The following CDK19 variants were observed in gnomAD, a reference collection of about 807,000 sequenced individuals.
CDK19 encodes cyclin dependent kinase 19.
CDK19 carries 20 observed loss-of-function variants against 68.3 expected under a neutral mutation model. That is an observed-to-expected ratio of 0.29 (90% confidence interval 0.21 to 0.43). The LOEUF (loss-of-function observed/expected upper bound fraction) is 0.43. Ranked by LOEUF, CDK19 falls within the 20% of genes least tolerant of loss-of-function variation. The probability of loss-of-function intolerance (pLI) is 1.00; values close to 1 mark genes in which losing one functional copy is unlikely to be tolerated. For missense variants in CDK19, 339 were observed against 623.5 expected (o/e 0.54, Z 4.86); for synonymous variants, 221 against 222.8 (o/e 0.99, Z 0.07).
Position 110,614,180 on chromosome 6 carries a change from G to A in CDK19, c.*355C>T, listed in dbSNP as rs1778165616. ...AAAACATTAAAATCCTATTAAAAGA[G>A]CTTTGAAAAGATAAACCATAGTGAT... On this transcript the variant is annotated 3_prime_UTR_variant, in exon 13 of 13. Coordinates refer to ENST00000368911, the MANE Select transcript of CDK19 (RefSeq NM_015076.5). 1 of 174,708 alleles carries A rather than the reference G, an allele frequency of 5.7e-6. No individual in the cohort carries two copies. Among genetic ancestry groups the A allele is most frequent in the Non-Finnish European group, 1.2e-5 (1 of 81,672 alleles). The allele number at this position is 174,708 out of a possible 1,614,324, so 10.8% of individuals were successfully genotyped here.
chr6:110,811,911 T>C (rs570430379), intron 1 of CDK19, among the ~76,000 whole-genome samples: 34 of 149,762 alleles, frequency 2.3e-4, no homozygotes, highest in African/African-American at 7.9e-4. Context: ...TAAAAGAGAG[T>C]TGGAGGTCCA....
At chr6:110,623,388 T>C in intron 8 of CDK19, 26 bp from the exon 9 acceptor site, 1 of 1,606,752 alleles carries the variant, frequency 6.2e-7, no homozygotes, top group African/African-American at 1.3e-5. Context: ...CAGTCACACA[T>C]CACTGGGAAC....
intron 2 of CDK19, among the ~76,000 whole-genome samples, chr6:110,710,102 A>C (rs1424783334): frequency 1.3e-5 from 2 of 152,226 alleles, no homozygotes; most frequent in African/African-American, 4.8e-5. Context: ...AACAATGCAA[A>C]GTACTAAACA....
intron 1 of CDK19, among the ~76,000 whole-genome samples, chr6:110,776,310 T>C (rs1041694782): frequency 2.0e-5 from 3 of 151,818 alleles, no homozygotes; most frequent in African/African-American, 7.3e-5. Context: ...GCAACTGTAA[T>C]CCCAGCTGCT....
chr6:110,631,901 A>G, intron 6 of CDK19, 129 bp downstream of exon 6: 1 of 766,370 alleles, frequency 1.3e-6, no homozygotes, highest in South Asian at 1.6e-5. Flanking sequence ...GAAATCTAGG[A>G]ATACAGAAGA....
At chr6:110,689,754 C>T (rs1343448440) in intron 2 of CDK19, among the ~76,000 whole-genome samples, 1 of 152,206 alleles carries the variant, frequency 6.6e-6, no homozygotes, top group Non-Finnish European at 1.5e-5. Context: ...TGCTGAAAGA[C>T]TTGAGGACAG....
At chr6:110,759,259 G>T (rs978107201) in intron 1 of CDK19, among the ~76,000 whole-genome samples, 17 of 150,652 alleles carry the variant, frequency 1.1e-4, no homozygotes, top group Non-Finnish European at 2.4e-4. Context: ...AAAAAAATTA[G>T]CCAGGCATGG....
intron 12 of CDK19, among the ~76,000 whole-genome samples, chr6:110,616,713 G>A (rs1478041343): frequency 6.6e-6 from 1 of 150,546 alleles, no homozygotes; most frequent in Non-Finnish European, 1.5e-5. Context: ...CCCTTCCTAA[G>A]TTGCACAACT....
chr6:110,812,110 A>G (rs1783147966), intron 1 of CDK19, among the ~76,000 whole-genome samples: 1 of 151,990 alleles, frequency 6.6e-6, no homozygotes, highest in South Asian at 2.1e-4. Flanking sequence ...CAAAACAAAA[A>G]GGTGAACAAA....
At chr6:110,685,991 T>C (rs1201967509) in intron 2 of CDK19, among the ~76,000 whole-genome samples, 7 of 152,164 alleles carry the variant, frequency 4.6e-5, no homozygotes, top group African/African-American at 1.7e-4. Flanking sequence ...CTGCACAGAA[T>C]TCTGCCCATT....
In CDK19 at chr6:110,621,450, G is replaced by C. The variant is rs2272211; in HGVS notation, c.1111-80C>G. ...TTTAATTATTTGATATGCACATGTG[G>C]CTGCTGACCAACCTGGGGGAGCAAT... is the stretch of plus-strand genomic sequence containing the variant. On this transcript the variant is annotated intron_variant, in intron 11 of 12. Coordinates refer to ENST00000368911, the MANE Select transcript of CDK19 (RefSeq NM_015076.5). This position sits in a 1 kb window ranked among gnomAD's most constrained non-coding sequence, Gnocchi z 5.4. 358,095 of 1,422,714 alleles carry C rather than the reference G, an allele frequency of 0.25. 46,542 individuals carry two copies. Among genetic ancestry groups the C allele is most frequent in the Admixed American group, 0.38 (16,358 of 43,358 alleles). 88.1% of individuals were successfully genotyped at this position (1,422,714 alleles called of 1,614,324 possible).
chr6:110,730,083 C>T (rs997855777), intron 2 of CDK19, among the ~76,000 whole-genome samples: 1 of 152,088 alleles, frequency 6.6e-6, no homozygotes, highest in African/African-American at 2.4e-5. Flanking sequence ...TTGCTATGTC[C>T]CCATTTCTGC....
chr6:110,736,119 A>G (rs370397980), intron 2 of CDK19, among the ~76,000 whole-genome samples: 5 of 152,178 alleles, frequency 3.3e-5, no homozygotes, highest in African/African-American at 9.7e-5. Flanking sequence ...AGGCAGGTGG[A>G]TCACCTGAAG....
rs557254521 is a variant in CDK19 at position 110,775,521 on chromosome 6, T to C, written c.129-29320A>G. On this transcript the variant is annotated intron_variant, in intron 1 of 12. Coordinates refer to ENST00000368911, the MANE Select transcript of CDK19 (RefSeq NM_015076.5). ...AAGGTACTACATATGCTAGGCAGTA[T>C]GGGAGAAATCTACCTTGTTCCAATA... Among the ~76,000 whole-genome samples the C allele has an allele frequency of 2.6e-5, 4 of 152,306 alleles. No individual in the cohort carries two copies. In the East Asian group the frequency reaches 7.7e-4, roughly 29 times the overall value.
intron 2 of CDK19, among the ~76,000 whole-genome samples, chr6:110,719,181 A>G (rs1487766718): frequency 1.3e-5 from 2 of 152,010 alleles, no homozygotes; most frequent in South Asian, 4.2e-4. Context: ...AAAACACCAC[A>G]AGATAGCAGA....
At chr6:110,749,021 G>C (rs866714343) in intron 1 of CDK19, among the ~76,000 whole-genome samples, 21 of 152,176 alleles carry the variant, frequency 1.4e-4, no homozygotes, top group South Asian at 2.1e-4. Flanking sequence ...ATAACATAAA[G>C]ATAGACAAAG....
chr6:110,624,158 CAT>C (rs1778938553), intron 8 of CDK19, among the ~76,000 whole-genome samples: 1 of 151,634 alleles, frequency 6.6e-6, no homozygotes, highest in Non-Finnish European at 1.5e-5. Flanking sequence ...GGTACATAAA[CAT>C]GTGGACTAGA....
In CDK19 at chr6:110,610,494, T is replaced by C. The variant is rs1777967431; in HGVS notation, c.*4041A>G. The C allele has an allele frequency of 6.6e-6, 1 of 152,402 alleles. No homozygotes were observed. Among genetic ancestry groups the C allele is most frequent in the Non-Finnish European group, 1.5e-5 (1 of 67,996 alleles). 9.4% of individuals were successfully genotyped at this position (152,402 alleles called of 1,614,324 possible). On this transcript the variant is annotated 3_prime_UTR_variant, in exon 13 of 13. Coordinates refer to ENST00000368911, the MANE Select transcript of CDK19 (RefSeq NM_015076.5). Reference sequence around the variant, plus strand: ...TGCATTAAGGGTTTTTTTTTTTATATAATACATACATATCACCCCTTTGCA... The same window carrying C: ...TGCATTAAGGGTTTTTTTTTTTATACAATACATACATATCACCCCTTTGCA...
intron 2 of CDK19, among the ~76,000 whole-genome samples, chr6:110,710,516 C>G (rs887786064): frequency 3.4e-4 from 51 of 152,166 alleles, no homozygotes; most frequent in Admixed American, 3.3e-3. Flanking sequence ...GGCAAATTAC[C>G]ATAGAACGGT....
Sources: allele counts gnomAD v4.1 joint callset (sites outside exome capture counted in the v4.1 genomes callset), GRCh38; gene constraint gnomAD v4.1.1; non-coding constraint Gnocchi (gnomAD v3.1); transcripts MANE v1.5; gene names NCBI Gene and HGNC (gene_info 2026-07-23, HGNC 2026-07-21).